GULP1: variants seen among roughly 807,000 people sequenced by gnomAD.
GULP1 encodes the protein GULP PTB domain containing engulfment adaptor 1, also known as PTB domain-containing engulfment adapter protein 1.
GULP1 carries 19 observed loss-of-function variants against 40.9 expected under a neutral mutation model. The ratio of observed to expected loss-of-function variants is 0.46; its 90% CI spans 0.32 to 0.68. The LOEUF is 0.68. Ranked by LOEUF, GULP1 falls within the 30% of genes least tolerant of loss-of-function variation. The pLI is 0.03. For synonymous variants in GULP1, 119 were observed against 117.6 expected (o/e 1.01, Z -0.08); for missense variants, 312 against 362.2 (o/e 0.86, Z 1.12).
chr2:188,554,895 A>G (rs1694365695), intron 7 of GULP1, among the ~76,000 whole-genome samples: 1 of 152,078 alleles, frequency 6.6e-6, no homozygotes, highest in African/African-American at 2.4e-5. Context: ...ATCATTATAT[A>G]ATGACCTTTT....
intron 9 of GULP1, chr2:188,582,432 T>G: frequency 2.1e-6 from 1 of 471,724 alleles, no homozygotes. Flanking sequence ...TCTCCCTGTC[T>G]CAATATTTCT....
In GULP1 at chr2:188,477,762, T is replaced by C. The variant is rs188907784; in HGVS notation, c.28+32T>C. On this transcript the variant is annotated intron_variant, in intron 3 of 11. Coordinates refer to ENST00000409830, the MANE Select transcript of GULP1 (RefSeq NM_016315.4). Reference sequence around the variant, plus strand: ...GTGGTCATTTTTTAAAACTTGGGAGTCAAGCCAATGTTGCTATGAACATAA... The same window carrying C: ...GTGGTCATTTTTTAAAACTTGGGAGCCAAGCCAATGTTGCTATGAACATAA... The C allele has an allele frequency of 3.7e-5, 58 of 1,551,194 alleles. No individual in the cohort carries two copies. The East Asian group carries it at 1.3e-3, about 35-fold the overall frequency.
chr2:188,591,342 G>A (rs1703514509), intron 11 of GULP1: 1 of 151,986 alleles, frequency 6.6e-6, no homozygotes, highest in Non-Finnish European at 1.5e-5. Flanking sequence ...TTAGTTCAGA[G>A]GTAACTATGG....
chr2:188,452,750 C>T (rs2058932172), intron 2 of GULP1, among the ~76,000 whole-genome samples: 1 of 152,146 alleles, frequency 6.6e-6, no homozygotes, highest in Non-Finnish European at 1.5e-5. Context: ...TCGAGTTTCC[C>T]ACCTTGTCTG....
chr2:188,380,158 C>G (rs1431230090), intron 1 of GULP1, among the ~76,000 whole-genome samples: 1 of 152,126 alleles, frequency 6.6e-6, no homozygotes. Context: ...CATGTCATTT[C>G]CTTAGTGAGA....
chr2:188,445,723 G>T (rs1389672221), intron 2 of GULP1, among the ~76,000 whole-genome samples: 1 of 152,194 alleles, frequency 6.6e-6, no homozygotes, highest in Non-Finnish European at 1.5e-5. Context: ...GAACAGTGTT[G>T]TTGGGCAGTG....
chr2:188,406,815 T>G (rs1189725846), intron 2 of GULP1, among the ~76,000 whole-genome samples: 1 of 151,856 alleles, frequency 6.6e-6, no homozygotes, highest in Non-Finnish European at 1.5e-5. Flanking sequence ...TAAGAGAACA[T>G]TTAAAGAAAC....
rs1353018945 is a variant in GULP1 at position 188,588,466 on chromosome 2, TTC to T, written c.843+525_843+526del. On this transcript the variant is annotated intron_variant, in intron 11 of 11. Transcript: ENST00000409830. The stretch of plus-strand genomic sequence containing the variant: ...GAATGTAGTTCAGTTGGGTTTTCAT[TTC>T]TCTCTCTTCCTTTTACTTTTTTGTT... 1.3e-4 allele frequency: 20 copies of T among 157,400 alleles called. 1 individual carries two copies. The highest frequency in any genetic ancestry group is 2.8e-4 in the Non-Finnish European group (20 of 71,224). The allele number at this position is 157,400 out of a possible 1,614,324, so 9.8% of individuals were successfully genotyped here.
At chr2:188,508,691 T>A (rs1362190017) in intron 4 of GULP1, among the ~76,000 whole-genome samples, 4 of 151,934 alleles carry the variant, frequency 2.6e-5, no homozygotes, top group Non-Finnish European at 5.9e-5. Flanking sequence ...CAGAATTATA[T>A]TGACTCTATA....
chr2:188,372,106 T>G (rs533690747), intron 1 of GULP1, among the ~76,000 whole-genome samples: 2 of 152,238 alleles, frequency 1.3e-5, no homozygotes, highest in South Asian at 4.1e-4. Context: ...AGAGAGGATG[T>G]GCCTCTGGCA....
In GULP1 at chr2:188,538,608, G is replaced by A. The variant is rs548074196; in HGVS notation, c.262-2573G>A. On this transcript the variant is annotated intron_variant, in intron 6 of 11. Transcript: ENST00000409830. ...TAAAAATGTAGGAAATCTAAAAAAG[G>A]GATTAAAAAGCTCTGCTGAGCACCA... Among the ~76,000 whole-genome samples, 44 of 151,692 alleles carry A rather than the reference G, an allele frequency of 2.9e-4. 1 individual carries two copies. Among genetic ancestry groups the A allele is most frequent in the South Asian group, 1.0e-3 (5 of 4,800 alleles).
Position 188,408,792 on chromosome 2 carries a change from T to G in GULP1, c.-45+24903T>G, listed in dbSNP as rs538452743. 1.1e-4 allele frequency among the ~76,000 whole-genome samples: 17 copies of G among 152,318 alleles called. No individual in the cohort carries two copies. The East Asian group carries it at 3.3e-3, about 29-fold the overall frequency. ...ATGATGATACAAGTGATAACAAATTTAAGAAGAATGAAGTCATTTCAAGTA... is the reference window on the plus strand; with the variant it reads ...ATGATGATACAAGTGATAACAAATTGAAGAAGAATGAAGTCATTTCAAGTA... On this transcript the variant is annotated intron_variant, in intron 2 of 11. Transcript: ENST00000409830.
chr2:188,451,909 A>G (rs1002055649), intron 2 of GULP1, among the ~76,000 whole-genome samples: 2 of 152,208 alleles, frequency 1.3e-5, no homozygotes, highest in African/African-American at 4.8e-5. Context: ...GCAAATATGG[A>G]CCTCAATTAG....
chr2:188,432,259 A>G (rs1486290407), intron 2 of GULP1, among the ~76,000 whole-genome samples: 1 of 151,724 alleles, frequency 6.6e-6, no homozygotes, highest in Non-Finnish European at 1.5e-5. Flanking sequence ...TTTAAATTAC[A>G]TGACAAGCTC....
intron 1 of GULP1, among the ~76,000 whole-genome samples, chr2:188,368,939 G>GTATATATATACATATA (rs2047200567): frequency 1.2e-5 from 1 of 86,088 alleles, no homozygotes; most frequent in African/African-American, 4.1e-5. Flanking sequence ...ATATATGTGT[G>GTATATATATACATATA]TATATATATA....
At position 188,541,506 on chromosome 2, in the gene GULP1, GTAAC is replaced by G. The variant is rs1315506955; in HGVS notation, c.399+192_399+195del. The G allele has an allele frequency of 5.6e-5, 36 of 647,870 alleles. No homozygotes were observed. In the African/African-American group the frequency reaches 6.0e-4, roughly 11 times the overall value. 40.1% of individuals were successfully genotyped at this position (647,870 alleles called of 1,614,324 possible). ...GAGAATATGCTTCAGGATTTCATCT[GTAAC>G]TAAATTCTCATGGTCATGAGCATAA... On this transcript the variant is annotated intron_variant, in intron 7 of 11. Coordinates refer to ENST00000409830, the MANE Select transcript of GULP1 (RefSeq NM_016315.4).
intron 2 of GULP1, among the ~76,000 whole-genome samples, chr2:188,455,153 T>C (rs72911465): frequency 0.011 from 1,695 of 151,988 alleles, 13 homozygotes; most frequent in Non-Finnish European, 0.019. Flanking sequence ...TAAAATAAAA[T>C]AAAATGTTCT....
chr2:188,315,439 G>A (rs1435004716), intron 1 of GULP1, among the ~76,000 whole-genome samples: 1 of 152,108 alleles, frequency 6.6e-6, no homozygotes, highest in Non-Finnish European at 1.5e-5. Flanking sequence ...GATGAGGGAG[G>A]ACTGCTGTAT....
chr2:188,475,030 T>C (rs1434706905), intron 2 of GULP1, among the ~76,000 whole-genome samples: 1 of 152,174 alleles, frequency 6.6e-6, no homozygotes, highest in Non-Finnish European at 1.5e-5. Context: ...AAACATGCAT[T>C]ATTAATACAT....
Sources: gnomAD v4.1 joint callset for allele counts (sites outside exome capture counted in the v4.1 genomes callset) on GRCh38, gnomAD v4.1.1 for gene constraint, MANE v1.5 for transcripts, NCBI Gene and HGNC (gene_info 2026-07-23, HGNC 2026-07-21) for gene names.